CDK19: variants seen among roughly 807,000 people sequenced by gnomAD.
CDK19 encodes the protein cyclin-dependent kinase 19.
CDK19 carries 20 observed loss-of-function variants against 68.3 expected under a neutral mutation model. The observed-to-expected ratio is 0.29, with a 90% CI of 0.21 to 0.43. CDK19 has a LOEUF of 0.43. Ranked by LOEUF, CDK19 falls within the 20% of genes least tolerant of loss-of-function variation. CDK19 has a pLI of 1.00. For missense variants in CDK19, 339 were observed against 623.5 expected (o/e 0.54, Z 4.86); for synonymous variants, 221 against 222.8 (o/e 0.99, Z 0.07).
intron 12 of CDK19, among the ~76,000 whole-genome samples, chr6:110,616,422 C>T (rs1019453836): frequency 9.2e-5 from 14 of 152,158 alleles, no homozygotes; most frequent in African/African-American, 3.4e-4. Flanking sequence ...AATCCCAGCA[C>T]TTTGGGAGGC....
At chr6:110,694,005 T>C (rs1241300704) in intron 2 of CDK19, among the ~76,000 whole-genome samples, 18 of 142,568 alleles carry the variant, frequency 1.3e-4, no homozygotes, top group African/African-American at 4.7e-4. Flanking sequence ...AACAAAAACC[T>C]CAAAATACAC....
At position 110,739,573 on chromosome 6, in the gene CDK19, A is replaced by G. The variant is rs543807379; in HGVS notation, c.204+6553T>C. On this transcript the variant is annotated intron_variant, in intron 2 of 12. Coordinates refer to ENST00000368911, the MANE Select transcript of CDK19 (RefSeq NM_015076.5). ...CAGCCACTCTTCACTTCATTTGGAAATATCTCGATGTTGTTAGAAGTACTC... is the reference window on the plus strand; with the variant it reads ...CAGCCACTCTTCACTTCATTTGGAAGTATCTCGATGTTGTTAGAAGTACTC... Among the ~76,000 whole-genome samples the G allele has an allele frequency of 3.6e-4, 55 of 152,132 alleles. No homozygotes were observed. The South Asian group carries it at 0.011, about 31-fold the overall frequency.
chr6:110,743,361 G>A (rs928010199), intron 2 of CDK19, among the ~76,000 whole-genome samples: 2 of 152,252 alleles, frequency 1.3e-5, no homozygotes, highest in African/African-American at 4.8e-5. Flanking sequence ...GAAGGCTATG[G>A]CTGAGAGTGG....
intron 2 of CDK19, among the ~76,000 whole-genome samples, chr6:110,719,972 G>GCCCCCCCCCCCCCCCCCCCCCCCCCC (rs1167384607): frequency 5.3e-4 from 24 of 45,512 alleles, no homozygotes; most frequent in Non-Finnish European, 6.3e-4. Flanking sequence ...CTTGTGATCC[G>GCCCCCCCCCCCCCCCCCCCCCCCCCC]CCCCCCCCCC....
At chr6:110,670,350 G>C (rs1388827902) in intron 3 of CDK19, 81 bp downstream of exon 3, 1 of 670,890 alleles carries the variant, frequency 1.5e-6, no homozygotes, top group African/African-American at 1.8e-5. Context: ...TCCTTTCTGT[G>C]CATTAACAAT....
At chr6:110,631,291 C>T (rs561814105) in intron 6 of CDK19, among the ~76,000 whole-genome samples, 2 of 152,228 alleles carry the variant, frequency 1.3e-5, no homozygotes, top group Non-Finnish European at 2.9e-5. Flanking sequence ...CCCCTACTCT[C>T]TCCTTTTCCT....
intron 1 of CDK19, among the ~76,000 whole-genome samples, chr6:110,778,471 A>C (rs142473487): frequency 3.7e-3 from 562 of 152,342 alleles, no homozygotes; most frequent in Non-Finnish European, 6.1e-3. Context: ...CAAAATAACC[A>C]CTGGAGTCCT....
rs1461473873 is a variant in CDK19, at chr6:110,621,396, G to A, written c.1111-26C>T. 1.3e-6 allele frequency: 2 copies of A among 1,520,114 alleles called. No individual in the cohort carries two copies. Among genetic ancestry groups the A allele is most frequent in the African/African-American group, 2.8e-5 (2 of 71,642 alleles). 94.2% of individuals were successfully genotyped at this position (1,520,114 alleles called of 1,614,324 possible). The stretch of plus-strand genomic sequence containing the variant: ...CTTTTAAGGGGAAAAAAGCAAGCTT[G>A]GTATGAAACCAAATTAACAGGAGCT... On this transcript the variant is annotated intron_variant, in intron 11 of 12. Coordinates refer to ENST00000368911, the MANE Select transcript of CDK19 (RefSeq NM_015076.5). The surrounding 1 kb of genome is among the most constrained non-coding windows in gnomAD (Gnocchi z 5.4).
intron 2 of CDK19, among the ~76,000 whole-genome samples, chr6:110,704,865 T>C (rs182564025): frequency 2.2e-4 from 34 of 151,642 alleles, no homozygotes; most frequent in African/African-American, 8.0e-4. Context: ...GCATGGGCAA[T>C]GGCAATAAAA....
At chr6:110,658,455 T>C (rs1307196942) in intron 4 of CDK19, among the ~76,000 whole-genome samples, 1 of 152,200 alleles carries the variant, frequency 6.6e-6, no homozygotes, top group Non-Finnish European at 1.5e-5. Context: ...CCTCTTTAAG[T>C]AGAATGTTAA....
chr6:110,722,615 A>C (rs1445608181), intron 2 of CDK19, among the ~76,000 whole-genome samples: 1 of 152,110 alleles, frequency 6.6e-6, no homozygotes, highest in Non-Finnish European at 1.5e-5. Context: ...TTTCTAAAAA[A>C]ATACTGTCAA....
At chr6:110,776,744 A>C (rs1034476587) in intron 1 of CDK19, among the ~76,000 whole-genome samples, 2 of 152,226 alleles carry the variant, frequency 1.3e-5, no homozygotes, top group African/African-American at 4.8e-5. Context: ...TACTATGTTG[A>C]AACACAGTGA....
Position 110,759,424 on chromosome 6 carries a change from A to AT in CDK19, c.129-13224_129-13223insA, listed in dbSNP as rs1294151959. Among the ~76,000 whole-genome samples, 338 of 107,778 alleles carry AT rather than the reference A, an allele frequency of 3.1e-3. 4 individuals are homozygous for AT. Among genetic ancestry groups the AT allele is most frequent in the African/African-American group, 0.013 (310 of 23,674 alleles). The allele number at this position is 107,778 out of a possible 152,430, so 70.7% of individuals were successfully genotyped here. A position where few individuals can be genotyped will look rare whatever the true frequency, so the allele number is the denominator to read the frequency against. ...CGTCTTAAAAAAAAAAAAAAAAAAA[A>AT]AAAAATATATATATATATATATATA... On this transcript the variant is annotated intron_variant, in intron 1 of 12. Coordinates refer to ENST00000368911, the MANE Select transcript of CDK19 (RefSeq NM_015076.5).
At chr6:110,626,904 TTATG>T in intron 7 of CDK19, 59 bp from the exon 8 acceptor site, 1 of 1,368,212 alleles carries the variant, frequency 7.3e-7, no homozygotes, top group Non-Finnish European at 1.0e-6. Context: ...AATCTCCTAA[TTATG>T]TTAGTTTATA....
chr6:110,628,756 C>T (rs778620242), intron 6 of CDK19, among the ~76,000 whole-genome samples: 1 of 152,214 alleles, frequency 6.6e-6, no homozygotes, highest in Non-Finnish European at 1.5e-5. Context: ...AAAATCCATA[C>T]AGTAATGCCT....
chr6:110,615,608 C>A (rs1226290116), intron 12 of CDK19, among the ~76,000 whole-genome samples: 1 of 152,204 alleles, frequency 6.6e-6, no homozygotes, highest in Non-Finnish European at 1.5e-5. Context: ...CTTTAACCTC[C>A]AAACTGTTCT....
At chr6:110,712,374 C>T (rs1307610402) in intron 2 of CDK19, among the ~76,000 whole-genome samples, 1 of 152,168 alleles carries the variant, frequency 6.6e-6, no homozygotes, top group Non-Finnish European at 1.5e-5. Context: ...AGAAACACCA[C>T]CCTCAAGATA....
At chr6:110,811,170 A>T (rs1025365931) in intron 1 of CDK19, among the ~76,000 whole-genome samples, 8 of 152,228 alleles carry the variant, frequency 5.3e-5, no homozygotes, top group Non-Finnish European at 8.8e-5. Context: ...TGATACTGAC[A>T]AATCTTTAAT....
chr6:110,732,842 G>A (rs946572817), intron 2 of CDK19, among the ~76,000 whole-genome samples: 1 of 152,134 alleles, frequency 6.6e-6, no homozygotes, highest in Non-Finnish European at 1.5e-5. Context: ...CGAGGCAGGC[G>A]GATCACTTGA....
Sources: gnomAD v4.1 joint callset for allele counts (sites outside exome capture counted in the v4.1 genomes callset) on GRCh38, gnomAD v4.1.1 for gene constraint, Gnocchi (gnomAD v3.1) non-coding constraint, MANE v1.5 for transcripts, NCBI Gene and HGNC (gene_info 2026-07-23, HGNC 2026-07-21) for gene names.